The following DGKH variants were observed in gnomAD, a reference collection of about 807,000 sequenced individuals.
DGKH encodes the protein diacylglycerol kinase eta, also known as DAG kinase eta.
In DGKH, 90 loss-of-function variants were observed where a neutral mutation model predicts 159.3. The observed-to-expected ratio is 0.57, with a 90% CI of 0.48 to 0.67. The LOEUF (loss-of-function observed/expected upper bound fraction) is 0.67, where lower values mean the gene tolerates loss of function less well. Among genes scored for constraint, DGKH ranks in the 30% least tolerant of loss-of-function variants. The probability of loss-of-function intolerance (pLI) is 0.00; values close to 1 mark genes in which losing one functional copy is unlikely to be tolerated. For missense variants in DGKH, 1,181 were observed against 1,506.1 expected, an observed-to-expected ratio of 0.78 and a Z score of 3.57; for synonymous variants, 536 against 553.8, an observed-to-expected ratio of 0.97 and a Z score of 0.45.
intron 1 of DGKH, among the ~76,000 whole-genome samples, chr13:42,120,876 A>G (rs1955054510): frequency 1.3e-5 from 2 of 152,122 alleles, no homozygotes; most frequent in Admixed American, 1.3e-4. Flanking sequence ...ACAACTTTCA[A>G]CAGATTCTGA....
In DGKH at chr13:42,166,650, TAA is replaced by T; in HGVS notation, c.1095_1096del (p.Leu365PhefsTer16). The T allele has an allele frequency of 6.2e-7, 1 of 1,601,864 alleles. No homozygotes were observed. The highest frequency in any genetic ancestry group is 1.1e-5 in the South Asian group (1 of 88,260). On this transcript the variant is annotated frameshift_variant, in exon 9 of 30. Transcript: ENST00000337343. LOFTEE classifies it high-confidence loss of function. Reference sequence around the variant, plus strand: ...CTAAATCCGGCTCAGGTGTTTGATTTAATGAATGGAGGTCCTCATTTAGGGTA... The same window carrying T: ...CTAAATCCGGCTCAGGTGTTTGATTTTGAATGGAGGTCCTCATTTAGGGTA...
chr13:42,248,332 G>C lies in DGKH; in HGVS notation n.4055-4077G>C, dbSNP rs1026435210. Among the ~76,000 whole-genome samples, 30 of 151,966 alleles carry C rather than the reference G, an allele frequency of 2.0e-4. 1 individual carries two copies. Among genetic ancestry groups the C allele is most frequent in the African/African-American group, 7.2e-4 (30 of 41,462 alleles). On this transcript the variant is annotated intron_variant and non_coding_transcript_variant, in intron 29 of 30. Coordinates refer to the DGKH transcript ENST00000498255. Reference sequence around the variant, plus strand: ...AGCTACTCGGGAGGCTGAGGCAGGAGAATCGTCTGAACCCGGGAGGCAGAG... The same window carrying C: ...AGCTACTCGGGAGGCTGAGGCAGGACAATCGTCTGAACCCGGGAGGCAGAG...
chr13:42,178,632 T>C (rs1270198154), intron 13 of DGKH, among the ~76,000 whole-genome samples: 2 of 152,244 alleles, frequency 1.3e-5, no homozygotes, highest in African/African-American at 4.8e-5. Flanking sequence ...TTTTTCAAAA[T>C]GATGTTTCTC....
At chr13:42,091,501 A>G (rs1452991677) in intron 1 of DGKH, among the ~76,000 whole-genome samples, 1 of 152,196 alleles carries the variant, frequency 6.6e-6, no homozygotes, top group Non-Finnish European at 1.5e-5. Flanking sequence ...TGGGCAAAGG[A>G]CTTGAATAGA....
intron 13 of DGKH, among the ~76,000 whole-genome samples, chr13:42,181,173 A>G (rs1956748437): frequency 6.8e-6 from 1 of 146,094 alleles, no homozygotes; most frequent in Non-Finnish European, 1.5e-5. Context: ...GCTACTCGGG[A>G]GGCTGAGGCA....
intron 1 of DGKH, chr13:42,069,938 G>C: frequency 1.4e-6 from 1 of 723,258 alleles, no homozygotes; most frequent in Non-Finnish European, 2.4e-6. Context: ...ACATCAGACA[G>C]AGCTCTTGGA....
intron 9 of DGKH, among the ~76,000 whole-genome samples, chr13:42,167,653 G>T (rs1956344533): frequency 6.6e-6 from 1 of 151,986 alleles, no homozygotes; most frequent in African/African-American, 2.4e-5. Context: ...CCTCTGCTGA[G>T]GTCCTAGAGT....
intron 16 of DGKH, among the ~76,000 whole-genome samples, chr13:42,193,925 T>A (rs1957144271): frequency 6.6e-6 from 1 of 152,222 alleles, no homozygotes; most frequent in Admixed American, 6.5e-5. Context: ...AAGGTACCAT[T>A]TGCTCTGCAT....
intron 1 of DGKH, among the ~76,000 whole-genome samples, chr13:42,078,501 T>C (rs1033951): frequency 0.13 from 19,488 of 152,158 alleles, 2,202 homozygotes; most frequent in African/African-American, 0.3. Flanking sequence ...CTTTCACCTT[T>C]CAAATCTAGT....
chr13:42,105,002 T>C lies in DGKH; in HGVS notation c.193-22461T>C, dbSNP rs9590663. 2.8e-5 allele frequency among the ~76,000 whole-genome samples: 4 copies of C among 140,626 alleles called. No individual in the cohort carries two copies. The East Asian group carries it at 6.1e-4, about 22-fold the overall frequency. 92.3% of individuals were successfully genotyped at this position (140,626 alleles called of 152,430 possible). On this transcript the variant is annotated intron_variant, in intron 1 of 29. Transcript: ENST00000337343. ...TAAAACAACTTGTATAGTTGTATCA[T>C]GTGTTTATGTACATACATATGTATG...
At chr13:42,227,439 T>C (rs1394329411) in intron 29 of DGKH, among the ~76,000 whole-genome samples, 1 of 152,204 alleles carries the variant, frequency 6.6e-6, no homozygotes, top group Non-Finnish European at 1.5e-5. Context: ...TATTTAAATA[T>C]ATTTTGTAGT....
At chr13:42,214,353 T>G (rs554526696) in intron 24 of DGKH, among the ~76,000 whole-genome samples, 154 bp from the exon 25 acceptor site, 56 of 152,352 alleles carry the variant, frequency 3.7e-4, no homozygotes, top group African/African-American at 1.3e-3. Flanking sequence ...TAGATCTACC[T>G]GTGCCATTCA....
rs762520699 is a variant in DGKH, at chr13:42,178,127, T to G, written c.1453-8T>G. Reference sequence around the variant, plus strand: ...CAATAATACAGTGTAGAGTTTTCTTTTCTTCAGATGACGATTTATGAAGAC... The same window carrying G: ...CAATAATACAGTGTAGAGTTTTCTTGTCTTCAGATGACGATTTATGAAGAC... On this transcript the variant is annotated splice_region_variant and splice_polypyrimidine_tract_variant and intron_variant, in intron 12 of 29. Transcript: ENST00000337343. 1.2e-6 allele frequency: 2 copies of G among 1,604,026 alleles called. No homozygotes were observed. Among genetic ancestry groups the G allele is most frequent in the South Asian group, 1.1e-5 (1 of 89,724 alleles).
intron 1 of DGKH, among the ~76,000 whole-genome samples, chr13:42,103,169 GT>G (rs893927329): frequency 2.0e-5 from 3 of 152,132 alleles, no homozygotes; most frequent in Admixed American, 6.5e-5. Flanking sequence ...AAGCCTTGTG[GT>G]TTTGTGGAGT....
At chr13:42,142,747 G>A (rs1323439925) in intron 3 of DGKH, among the ~76,000 whole-genome samples, 1 of 152,174 alleles carries the variant, frequency 6.6e-6, no homozygotes, top group Non-Finnish European at 1.5e-5. Flanking sequence ...CATTGATTTT[G>A]TATCCTGAGA....
chr13:42,135,646 G>T (rs73187273), intron 3 of DGKH, among the ~76,000 whole-genome samples: 35,706 of 151,846 alleles, frequency 0.24, 4,446 homozygotes, highest in Middle Eastern at 0.31. Flanking sequence ...AAATTTGATT[G>T]CTATCTGCAT....
At chr13:42,040,993 C>A (rs898177971) in intron 1 of DGKH, among the ~76,000 whole-genome samples, 2 of 151,548 alleles carry the variant, frequency 1.3e-5, no homozygotes, top group Non-Finnish European at 3.0e-5. Context: ...TTGCTCCCCC[C>A]GCCCGGGCCG....
intron 11 of DGKH, among the ~76,000 whole-genome samples, chr13:42,170,221 C>T (rs1956413401): frequency 1.3e-5 from 2 of 152,180 alleles, no homozygotes; most frequent in South Asian, 4.1e-4. Context: ...TTCATCTACC[C>T]TGGGTATGTG....
intron 1 of DGKH, among the ~76,000 whole-genome samples, chr13:42,049,173 C>CGGGCGGGGCGGGGAGGGGTG (rs1444896484): frequency 0.012 from 85 of 7,110 alleles, 2 homozygotes; most frequent in African/African-American, 0.027. Context: ...GCCTGGGGCG[C>CGGGCGGGGCGGGGAGGGGTG]GGGCGGGGCG....
Sources: gnomAD v4.1 joint callset for allele counts (sites outside exome capture counted in the v4.1 genomes callset) on GRCh38, gnomAD v4.1.1 for gene constraint, MANE v1.5 for transcripts, NCBI Gene and HGNC (gene_info 2026-07-23, HGNC 2026-07-21) for gene names.